The following IGSF10 variants were observed in gnomAD, a reference collection of about 807,000 sequenced individuals.
IGSF10 encodes the protein calvaria mechanical force protein 608.
A neutral mutation model predicts 128.2 loss-of-function variants in IGSF10; 126 were observed. That is an observed-to-expected ratio of 0.98 (90% CI 0.85 to 1.14). IGSF10 has a LOEUF of 1.14. IGSF10 is among the 50% of genes most tolerant of loss of function. The probability of loss-of-function intolerance (pLI) is 0.00; values close to 1 mark genes in which losing one functional copy is unlikely to be tolerated. For synonymous variants in IGSF10, 1,185 were observed against 1,146.2 expected (o/e 1.03, Z -0.68); for missense variants, 3,295 against 3,149.8 (o/e 1.05, Z -1.10).
the IGSF10 span, among the ~76,000 whole-genome samples, chr3:151,576,167 T>C: frequency 1.3e-5 from 2 of 151,704 alleles, no homozygotes; most frequent in Admixed American, 1.3e-4. Context: ...GTAGCTGCTA[T>C]ATTATTTTAT....
chr3:151,602,694 C>T, the IGSF10 span, among the ~76,000 whole-genome samples: 1 of 152,116 alleles, frequency 6.6e-6, no homozygotes, highest in Non-Finnish European at 1.5e-5. Context: ...CCCTGCCACC[C>T]TCCTGCAGAT....
At chr3:151,604,205 G>T in the IGSF10 span, among the ~76,000 whole-genome samples, 1 of 152,088 alleles carries the variant, frequency 6.6e-6, no homozygotes, top group Admixed American at 6.6e-5. Flanking sequence ...CTATTTAATA[G>T]TAATCACAGA....
the IGSF10 span, among the ~76,000 whole-genome samples, chr3:151,547,071 C>G: frequency 6.6e-6 from 1 of 152,074 alleles, no homozygotes; most frequent in African/African-American, 2.4e-5. Flanking sequence ...CCGTGCCCGG[C>G]CTCTTTTCTC....
chr3:151,610,359 T>C, the IGSF10 span, among the ~76,000 whole-genome samples: 5 of 152,184 alleles, frequency 3.3e-5, no homozygotes, highest in Admixed American at 6.5e-5. Context: ...GTCTAGTCAA[T>C]AAATGAGTAC....
chr3:151,543,284 T>C, the IGSF10 span, among the ~76,000 whole-genome samples: 2 of 152,054 alleles, frequency 1.3e-5, no homozygotes, highest in Non-Finnish European at 2.9e-5. Flanking sequence ...CAGGGGGCCA[T>C]AGGCAGGTGA....
the IGSF10 span, among the ~76,000 whole-genome samples, chr3:151,594,331 C>CTTT: frequency 3.0e-3 from 369 of 121,450 alleles, 5 homozygotes; most frequent in African/African-American, 0.01. Flanking sequence ...ATAAAAACTG[C>CTTT]TTTTTTTTTT....
At chr3:151,591,380 T>C in the IGSF10 span, among the ~76,000 whole-genome samples, 1 of 147,002 alleles carries the variant, frequency 6.8e-6, no homozygotes, top group Non-Finnish European at 1.5e-5. Context: ...ATAATTATTT[T>C]ACATATATAA....
the IGSF10 span, chr3:151,475,799 A>C: frequency 1.3e-5 from 2 of 153,598 alleles, no homozygotes; most frequent in Non-Finnish European, 2.9e-5. Flanking sequence ...TTCTTTTAAC[A>C]GTGCTTAGTA....
chr3:151,538,650 G>A, the IGSF10 span, among the ~76,000 whole-genome samples: 1 of 152,188 alleles, frequency 6.6e-6, no homozygotes, highest in East Asian at 1.9e-4. Flanking sequence ...ATCAGACCCC[G>A]AGCAGAATTT....
chr3:151,558,006 A>ATATATATTATATATATATAATATATAT, the IGSF10 span, among the ~76,000 whole-genome samples: 1 of 26,670 alleles, frequency 3.7e-5, no homozygotes, highest in African/African-American at 1.3e-4. Flanking sequence ...AGTATATATA[A>ATATATATTATATATATATAATATATAT]TATATATATA....
chr3:151,433,425 G>A (rs1719751256), downstream of IGSF10: 1 of 152,642 alleles, frequency 6.6e-6, no homozygotes, highest in African/African-American at 2.4e-5. Flanking sequence ...GAAACAGATT[G>A]TTGCTTCGTA....
chr3:151,502,294 C>T, the IGSF10 span, among the ~76,000 whole-genome samples: 134 of 151,926 alleles, frequency 8.8e-4, no homozygotes, highest in Non-Finnish European at 1.5e-3. Flanking sequence ...AAAATCTTAA[C>T]ATTTTGTAAG....
chr3:151,504,937 G>A, the IGSF10 span, among the ~76,000 whole-genome samples: 89 of 152,322 alleles, frequency 5.8e-4, no homozygotes, highest in East Asian at 0.015. Context: ...ATCACCATCA[G>A]CATTTTGGTC....
chr3:151,540,772 C>T, the IGSF10 span, among the ~76,000 whole-genome samples: 1 of 152,166 alleles, frequency 6.6e-6, no homozygotes, highest in Non-Finnish European at 1.5e-5. Flanking sequence ...ATTCCAGTTG[C>T]TTTACATCCT....
intron 6 of IGSF10, 59 bp downstream of exon 6, chr3:151,444,858 CAT>C: frequency 6.9e-7 from 1 of 1,457,876 alleles, no homozygotes; most frequent in Non-Finnish European, 9.2e-7. Flanking sequence ...AATCCCAAAA[CAT>C]AACAATCTTC....
chr3:151,618,095 T>C, the IGSF10 span, among the ~76,000 whole-genome samples: 1 of 152,134 alleles, frequency 6.6e-6, no homozygotes, highest in Non-Finnish European at 1.5e-5. Flanking sequence ...GTTAATTAGG[T>C]TAACTAGGTA....
chr3:151,572,560 G>A, the IGSF10 span, among the ~76,000 whole-genome samples: 2 of 152,058 alleles, frequency 1.3e-5, no homozygotes, highest in Non-Finnish European at 2.9e-5. Flanking sequence ...TGGGATCAGT[G>A]GTGATATCCC....
chr3:151,516,494 T>C, the IGSF10 span, among the ~76,000 whole-genome samples: 1 of 152,058 alleles, frequency 6.6e-6, no homozygotes, highest in African/African-American at 2.4e-5. Flanking sequence ...CCTTGACAGA[T>C]GGAAGATGAA....
the IGSF10 span, among the ~76,000 whole-genome samples, chr3:151,551,854 T>G: frequency 2.3e-4 from 35 of 152,262 alleles, no homozygotes; most frequent in African/African-American, 7.0e-4. Context: ...TATTCAAACA[T>G]TATATGGAAA....
Sources: allele counts gnomAD v4.1 joint callset (sites outside exome capture counted in the v4.1 genomes callset), GRCh38; gene constraint gnomAD v4.1.1; transcripts MANE v1.5; gene names NCBI Gene and HGNC (gene_info 2026-07-23, HGNC 2026-07-21).